KIF13A: variants seen among roughly 807,000 people sequenced by gnomAD.
KIF13A encodes kinesin-like protein KIF13A.
A neutral mutation model predicts 212.2 loss-of-function variants in KIF13A; 79 were observed. The ratio of observed to expected loss-of-function variants is 0.37; its 90% CI spans 0.31 to 0.45. The LOEUF (loss-of-function observed/expected upper bound fraction) is 0.45, where lower values mean the gene tolerates loss of function less well. Ranked by LOEUF, KIF13A falls within the 20% of genes least tolerant of loss-of-function variation. KIF13A has a pLI of 1.00. For synonymous variants in KIF13A, 789 were observed against 808.6 expected (o/e 0.98, Z 0.41); for missense variants, 1,901 against 2,209.0 (o/e 0.86, Z 2.79).
intron 26 of KIF13A, among the ~76,000 whole-genome samples, chr6:17,788,113 T>TA (rs1761214213): frequency 6.6e-6 from 1 of 152,154 alleles, no homozygotes; most frequent in Admixed American, 6.5e-5. Context: ...TAATTATACT[T>TA]AAAAGCAAGA....
At chr6:17,976,421 C>CTGGCCCGGGTGCTAAGCCCTTCA (rs1780490369) in intron 2 of KIF13A, among the ~76,000 whole-genome samples, 2 of 152,232 alleles carry the variant, frequency 1.3e-5, no homozygotes, top group African/African-American at 4.8e-5. Context: ...TCCGCAGCCG[C>CTGGCCCGGGTGCTAAGCCCTTCA]TGGCCCGGGT....
chr6:17,978,125 A>C (rs1780746952), intron 2 of KIF13A, among the ~76,000 whole-genome samples: 1 of 152,242 alleles, frequency 6.6e-6, no homozygotes, highest in Non-Finnish European at 1.5e-5. Context: ...GTGAAATATC[A>C]GGTCTTTCTA....
chr6:17,833,855 C>CAAAAA lies in KIF13A; in HGVS notation c.1266+101_1266+105dup, dbSNP rs11358140. The CAAAAA allele has an allele frequency of 7.7e-3, 2,784 of 363,606 alleles. 4 individuals are homozygous for CAAAAA. The highest frequency in any genetic ancestry group is 0.023 in the South Asian group (651 of 28,320). 22.5% of individuals were successfully genotyped at this position (363,606 alleles called of 1,614,324 possible). A position where few individuals can be genotyped will look rare whatever the true frequency, so the allele number is the denominator to read the frequency against. On this transcript the variant is annotated intron_variant, in intron 12 of 38. Transcript: ENST00000259711. ...TGGGCGACAGAGTGAGACTCCGTCTCAAAAAAAAAAAAAAAAAAGACTTTC... is the reference window on the plus strand; with the variant it reads ...TGGGCGACAGAGTGAGACTCCGTCTCAAAAAAAAAAAAAAAAAAAAAAAGACTTTC...
In KIF13A at chr6:17,799,324, T is replaced by A; in HGVS notation, c.2732A>T (p.Glu911Val). ...STVAAPVVDPEVPSPQSKDAQ... is the reference protein window; with the variant it reads ...STVAAPVVDPVVPSPQSKDAQ... ...ATCCTTGGACTGTGGTGAAGGCACCTCGGGGTCCACCACCGGGGCAGCCAC... is the reference window on the plus strand; with the variant it reads ...ATCCTTGGACTGTGGTGAAGGCACCACGGGGTCCACCACCGGGGCAGCCAC... Residue 911 changes from glutamate (E) to valine (V), a missense_variant, in exon 22 of 39, where the codon GAG (glutamate) becomes GTG (valine). Coordinates refer to ENST00000259711, the MANE Select transcript of KIF13A (RefSeq NM_022113.6). The surrounding 1 kb of genome is among the most constrained non-coding windows in gnomAD (Gnocchi z 4.4). 6.2e-7 allele frequency: 1 copy of A among 1,613,516 alleles called. No individual in the cohort carries two copies. Among genetic ancestry groups the A allele is most frequent in the South Asian group, 1.1e-5 (1 of 90,924 alleles).
At position 17,779,921 on chromosome 6, in the gene KIF13A, T is replaced by C. The variant is rs1397616761; in HGVS notation, c.3847-237A>G. On this transcript the variant is annotated intron_variant, in intron 31 of 38. Transcript: ENST00000259711. ...TCACCTGGCTAACTTTTTTTTTTTGTATTTTTAGTAGAGACGGGGTTTCAC... is the reference window on the plus strand; with the variant it reads ...TCACCTGGCTAACTTTTTTTTTTTGCATTTTTAGTAGAGACGGGGTTTCAC... 7.3e-5 allele frequency among the ~76,000 whole-genome samples: 11 copies of C among 151,604 alleles called. 1 individual carries two copies. Among genetic ancestry groups the C allele is most frequent in the Non-Finnish European group, 1.5e-4 (10 of 67,882 alleles).
At position 17,852,961 on chromosome 6, in the gene KIF13A, C is replaced by T. The variant is rs537869335; in HGVS notation, c.495-919G>A. On this transcript the variant is annotated intron_variant, in intron 6 of 38. Coordinates refer to ENST00000259711, the MANE Select transcript of KIF13A (RefSeq NM_022113.6). ...TTTGGAACCCATTTCAACAGTTTAT[C>T]AAAAGACAATGGAGATTAAAAGCAA... 1.5e-3 allele frequency among the ~76,000 whole-genome samples: 225 copies of T among 152,226 alleles called. 1 individual carries two copies. The highest frequency in any genetic ancestry group is 5.2e-3 in the African/African-American group (218 of 41,542).
intron 3 of KIF13A, among the ~76,000 whole-genome samples, chr6:17,889,384 T>G (rs1375578669): frequency 2.0e-5 from 3 of 152,024 alleles, no homozygotes; most frequent in African/African-American, 7.2e-5. Flanking sequence ...AACTCATAAA[T>G]AAAACAAAAA....
chr6:17,962,643 A>G (rs1411872157), intron 2 of KIF13A, among the ~76,000 whole-genome samples: 2 of 152,316 alleles, frequency 1.3e-5, no homozygotes, highest in South Asian at 4.1e-4. Flanking sequence ...AGTAAGGCTG[A>G]GTCTGGACAA....
chr6:17,813,948 C>CT (rs36144211), intron 17 of KIF13A, among the ~76,000 whole-genome samples: 5,092 of 90,676 alleles, frequency 0.056, 306 homozygotes, highest in Non-Finnish European at 0.075. Context: ...TAAGGTGCTG[C>CT]TTTTTTTTTT....
At chr6:17,867,113 G>A (rs1323844685) in intron 4 of KIF13A, among the ~76,000 whole-genome samples, 1 of 151,992 alleles carries the variant, frequency 6.6e-6, no homozygotes, top group Non-Finnish European at 1.5e-5. Context: ...CAAAGGGTCA[G>A]TTGTATTTGC....
In KIF13A at chr6:17,817,178, T is replaced by G. The variant is rs1581403731; in HGVS notation, c.1842A>C (p.Arg614Ser). The change falls in exon 17 of 39, where the codon AGA becomes AGC. Residue 614 changes from arginine (R) to serine (S), a missense_variant. This residue lies in a region of KIF13A where 534 missense variants were observed against 536.9 expected (regional missense o/e 0.99). Coordinates refer to ENST00000259711, the MANE Select transcript of KIF13A (RefSeq NM_022113.6). ...TGAGCCGCTGCTCCTCTAGGGCACT[T>G]CTCTTTTCTTCTAGGTATTGTTTCT... ...VLEKQYLEEK[R>S]SALEEQRLMY... The G allele has an allele frequency of 1.2e-6, 2 of 1,613,942 alleles. No homozygotes were observed. Among genetic ancestry groups the G allele is most frequent in the African/African-American group, 2.7e-5 (2 of 74,940 alleles).
chr6:17,844,647 T>A, intron 9 of KIF13A, among the ~76,000 whole-genome samples: 1 of 152,216 alleles, frequency 6.6e-6, no homozygotes, highest in East Asian at 1.9e-4. Context: ...AAACCTTGGG[T>A]AACCCTATCA....
Position 17,971,386 on chromosome 6 carries a change from T to C in KIF13A, c.146+15668A>G, listed in dbSNP as rs1208327618. ...TATTCTGGTGTTAAGCTGACCTCTA[T>C]TTTATAATAAAATATTAAAATTTAG... On this transcript the variant is annotated intron_variant, in intron 2 of 38. Transcript: ENST00000259711. The surrounding 1 kb of genome is among the most constrained non-coding windows in gnomAD (Gnocchi z 4.2). 6.6e-6 allele frequency among the ~76,000 whole-genome samples: 1 copy of C among 152,206 alleles called. No individual in the cohort carries two copies. The highest frequency in any genetic ancestry group is 1.5e-5 in the Non-Finnish European group (1 of 68,030).
rs1157814907 is a variant in KIF13A at position 17,912,189 on chromosome 6, C to T, written c.147-14009G>A. On this transcript the variant is annotated intron_variant, in intron 2 of 38. Transcript: ENST00000259711. This position sits in a 1 kb window ranked among gnomAD's most constrained non-coding sequence, Gnocchi z 4.2. ...TGATGTGATTATTACGCATTGCATG[C>T]CTACATCAAAACATCTCATGTACCC... is the stretch of plus-strand genomic sequence containing the variant. 6.6e-6 allele frequency among the ~76,000 whole-genome samples: 1 copy of T among 152,076 alleles called. No individual in the cohort carries two copies. Among genetic ancestry groups the T allele is most frequent in the Non-Finnish European group, 1.5e-5 (1 of 68,036 alleles).
At chr6:17,823,924 T>TTTC in intron 16 of KIF13A, among the ~76,000 whole-genome samples, 1 of 151,360 alleles carries the variant, frequency 6.6e-6, no homozygotes, top group East Asian at 1.9e-4. Flanking sequence ...TTTCTTTTTT[T>TTTC]TTTTTTGATA....
intron 3 of KIF13A, among the ~76,000 whole-genome samples, chr6:17,875,528 C>T (rs1770470616): frequency 1.3e-5 from 2 of 150,676 alleles, no homozygotes; most frequent in Non-Finnish European, 2.9e-5. Flanking sequence ...GATCTCAGCT[C>T]ACTGCAGCCT....
chr6:17,977,065 G>C (rs1410003122), intron 2 of KIF13A, among the ~76,000 whole-genome samples: 9 of 146,142 alleles, frequency 6.2e-5, no homozygotes, highest in Non-Finnish European at 1.5e-5. Context: ...CTGCGCCACT[G>C]CACTCCAGCC....
At chr6:17,873,576 T>C (rs1471003902) in intron 3 of KIF13A, 139 bp from the exon 4 acceptor site, 1 of 627,048 alleles carries the variant, frequency 1.6e-6, no homozygotes, top group Non-Finnish European at 2.7e-6. Context: ...GGTTTGGTGC[T>C]TTTGTTAACC....
At chr6:17,792,127 C>T (rs1293181600) in intron 25 of KIF13A, among the ~76,000 whole-genome samples, 2 of 136,348 alleles carry the variant, frequency 1.5e-5, no homozygotes, top group Admixed American at 8.5e-5. Flanking sequence ...CGCTCGAACC[C>T]AGGAGGCAGA....
Sources: gnomAD v4.1 joint callset for allele counts (sites outside exome capture counted in the v4.1 genomes callset) on GRCh38, gnomAD v4.1.1 for gene constraint, gnomAD v4.1.1 regional missense constraint, Gnocchi (gnomAD v3.1) non-coding constraint, MANE v1.5 for transcripts, NCBI Gene and HGNC (gene_info 2026-07-23, HGNC 2026-07-21) for gene names.